The following PRDM6 variants were observed in gnomAD, a reference collection of about 807,000 sequenced individuals.
The protein encoded by PRDM6 is PR/SET domain 6.
A neutral mutation model predicts 60.8 loss-of-function variants in PRDM6; 25 were observed. The observed-to-expected ratio is 0.41, with a 90% confidence interval of 0.30 to 0.57. PRDM6 has a LOEUF of 0.57. Ranked by LOEUF, PRDM6 falls within the 20% of genes least tolerant of loss-of-function variation. The probability of loss-of-function intolerance (pLI) is 0.27; values close to 1 mark genes in which losing one functional copy is unlikely to be tolerated. For missense variants in PRDM6, 839 were observed against 821.3 expected (o/e 1.02, Z -0.26); for synonymous variants, 407 against 357.4 (o/e 1.14, Z -1.57).
At chr5:123,114,334 G>C (rs935275433) in intron 3 of PRDM6, among the ~76,000 whole-genome samples, 2 of 152,170 alleles carry the variant, frequency 1.3e-5, no homozygotes, top group East Asian at 3.8e-4. Flanking sequence ...GATTTTGCCT[G>C]TGCTATTTAT....
Position 123,187,322 on chromosome 5 carries a change from TAATAA to T in PRDM6, c.*127_*131del. 1.5e-6 allele frequency: 1 copy of T among 657,202 alleles called. No homozygotes were observed. The highest frequency in any genetic ancestry group is 2.7e-6 in the Non-Finnish European group (1 of 367,820). The allele number at this position is 657,202 out of a possible 1,614,324, so 40.7% of individuals were successfully genotyped here. ...ATCAGTCCCAGAAAACCAAAAGCAG[TAATAA>T]AATAAGTAAGATGTTAAGAGATATT... is the stretch of plus-strand genomic sequence containing the variant. On this transcript the variant is annotated 3_prime_UTR_variant, in exon 8 of 8. Coordinates refer to ENST00000407847, the MANE Select transcript of PRDM6 (RefSeq NM_001136239.4).
At chr5:123,135,069 C>T (rs903414933) in intron 3 of PRDM6, among the ~76,000 whole-genome samples, 2 of 151,440 alleles carry the variant, frequency 1.3e-5, no homozygotes, top group Non-Finnish European at 2.9e-5. Flanking sequence ...AGCAAATTAT[C>T]TCTGTGGTTT....
chr5:123,184,890 A>C (rs10061653), intron 7 of PRDM6, among the ~76,000 whole-genome samples: 149 of 152,294 alleles, frequency 9.8e-4, no homozygotes, highest in Non-Finnish European at 1.7e-3. Context: ...GAACTCCCTG[A>C]GAAAAGATTC....
At chr5:123,100,918 TA>T (rs923751902) in intron 3 of PRDM6, among the ~76,000 whole-genome samples, 1 of 152,208 alleles carries the variant, frequency 6.6e-6, no homozygotes, top group Admixed American at 6.5e-5. Flanking sequence ...GTCATACCCT[TA>T]AACAATATGT....
intron 5 of PRDM6, 34 bp from the exon 6 acceptor site, chr5:123,170,732 A>G (rs1427518547): frequency 7.1e-7 from 1 of 1,406,662 alleles, no homozygotes; most frequent in Admixed American, 2.3e-5. Flanking sequence ...AAGGCTAATA[A>G]AACTGTTCTT....
At chr5:123,129,196 A>G (rs902965171) in intron 3 of PRDM6, among the ~76,000 whole-genome samples, 10 of 152,248 alleles carry the variant, frequency 6.6e-5, no homozygotes, top group African/African-American at 2.2e-4. Flanking sequence ...GTCAGGTAGC[A>G]TGATGCCTCC....
chr5:123,109,924 G>T (rs1339107060), intron 3 of PRDM6, among the ~76,000 whole-genome samples: 1 of 152,140 alleles, frequency 6.6e-6, no homozygotes, highest in Non-Finnish European at 1.5e-5. Context: ...GTTTGACACT[G>T]GATATTGAAT....
chr5:123,091,163 A>G (rs1225901770), intron 2 of PRDM6, among the ~76,000 whole-genome samples: 1 of 152,194 alleles, frequency 6.6e-6, no homozygotes, highest in Non-Finnish European at 1.5e-5. Flanking sequence ...TCACTGGAGT[A>G]GGAATTTTAG....
In PRDM6 at chr5:123,125,182, C is replaced by G. The variant is rs1764668789; in HGVS notation, c.900+25221C>G. Among the ~76,000 whole-genome samples the G allele has an allele frequency of 1.4e-5, 2 of 146,548 alleles. 1 individual carries two copies. Among genetic ancestry groups the G allele is most frequent in the African/African-American group, 5.1e-5 (2 of 39,260 alleles). ...CCACCCGCCGGCCCCGCCACACACA[C>G]ACATGAGTGGCAAAAAAGCCACAGT... On this transcript the variant is annotated intron_variant, in intron 3 of 7. Transcript: ENST00000407847.
chr5:123,183,215 C>T (rs1206286460), intron 7 of PRDM6, among the ~76,000 whole-genome samples: 2 of 152,160 alleles, frequency 1.3e-5, no homozygotes, highest in Admixed American at 1.3e-4. Context: ...TAACCCTCAA[C>T]TGTATGTCTT....
chr5:123,176,284 C>CAAAAAAAAAAAAAAAAAAAAAAAAA (rs59717543), intron 6 of PRDM6, among the ~76,000 whole-genome samples: 1 of 139,444 alleles, frequency 7.2e-6, no homozygotes. Flanking sequence ...AAAAAAAAAA[C>CAAAAAAAAAAAAAAAAAAAAAAAAA]AAAAAAAAAA....
rs1322659403 is a variant in PRDM6, at chr5:123,108,973, A to G, written c.900+9012A>G. ...CCATGAATAGATTTTCATTTTGTCT[A>G]GTCTTATCCTCTCCACTCTGTATTC... On this transcript the variant is annotated intron_variant, in intron 3 of 7. Coordinates refer to ENST00000407847, the MANE Select transcript of PRDM6 (RefSeq NM_001136239.4). Among the ~76,000 whole-genome samples the G allele has an allele frequency of 5.3e-5, 8 of 152,228 alleles. No individual in the cohort carries two copies. The East Asian group carries it at 1.5e-3, about 29-fold the overall frequency.
In PRDM6 at chr5:123,089,947, C is replaced by G. The variant is rs1036263389; in HGVS notation, c.-15-53C>G. 3.7e-6 allele frequency: 5 copies of G among 1,363,714 alleles called. No homozygotes were observed. In the African/African-American group the frequency reaches 7.4e-5, roughly 20 times the overall value. 84.5% of individuals were successfully genotyped at this position (1,363,714 alleles called of 1,614,324 possible). A position where few individuals can be genotyped will look rare whatever the true frequency, so the allele number is the denominator to read the frequency against. Reference sequence around the variant, plus strand: ...TCCAGGGTCCCAGTGGCCCTCTTCCCGGCCCCTTTCGCCCAGCTCACGCGC... The same window carrying G: ...TCCAGGGTCCCAGTGGCCCTCTTCCGGGCCCCTTTCGCCCAGCTCACGCGC... On this transcript the variant is annotated intron_variant, in intron 1 of 7. Transcript: ENST00000407847.
chr5:123,142,877 CAA>C, intron 3 of PRDM6, among the ~76,000 whole-genome samples: 1,312 of 27,386 alleles, frequency 0.048, 15 homozygotes, highest in African/African-American at 0.13. Flanking sequence ...CAGTGAAGAC[CAA>C]AAAAAAAAAA....
chr5:123,109,387 A>AT (rs977389091), intron 3 of PRDM6, among the ~76,000 whole-genome samples: 9 of 152,004 alleles, frequency 5.9e-5, no homozygotes, highest in Non-Finnish European at 8.8e-5. Context: ...AGTAATTGAG[A>AT]TTTTCCCCCG....
chr5:123,186,139 C>T lies in PRDM6; in HGVS notation c.1674-948C>T, dbSNP rs940925187. 2.6e-5 allele frequency among the ~76,000 whole-genome samples: 4 copies of T among 152,312 alleles called. No homozygotes were observed. The East Asian group carries it at 7.7e-4, about 29-fold the overall frequency. On this transcript the variant is annotated intron_variant, in intron 7 of 7. Transcript: ENST00000407847. ...GTGATGGAGAAGTCGCTGTCTGTGC[C>T]CAGCCAGCTGCCACAGTTCATCTGT...
chr5:123,156,608 G>A (rs529445452), intron 4 of PRDM6, among the ~76,000 whole-genome samples: 2 of 152,264 alleles, frequency 1.3e-5, no homozygotes, highest in African/African-American at 4.8e-5. Context: ...GGCAGTTTCC[G>A]GGCATAGAGA....
intron 5 of PRDM6, among the ~76,000 whole-genome samples, chr5:123,166,354 C>G (rs1765752953): frequency 6.6e-6 from 1 of 152,230 alleles, no homozygotes. Flanking sequence ...CCCAGATTCT[C>G]TGATTTATCA....
rs761657994 is a variant in PRDM6 at position 123,171,051 on chromosome 5, A to G, written c.1439A>G (p.Lys480Arg). Reference sequence around the variant, plus strand: ...CTTTGGAAATGTGGGCAGTGCTTTAAGACTTTCACCCAGCGGATCCTCTTA... The same window carrying G: ...CTTTGGAAATGTGGGCAGTGCTTTAGGACTTTCACCCAGCGGATCCTCTTA... Reference protein sequence around the residue: ...WHLWKCGQCFKTFTQRILLQM... With the variant: ...WHLWKCGQCFRTFTQRILLQM... The change falls in exon 6 of 8, where the codon AAG (lysine) becomes AGG (arginine). Residue 480 changes from lysine (K) to arginine (R), a missense_variant. Physicochemically the swap from Lys to Arg is conservative, Grantham distance 26. Coordinates refer to ENST00000407847, the MANE Select transcript of PRDM6 (RefSeq NM_001136239.4). 2 of 1,552,140 alleles carry G rather than the reference A, an allele frequency of 1.3e-6. No homozygotes were observed. The highest frequency in any genetic ancestry group is 1.7e-6 in the Non-Finnish European group (2 of 1,147,048).
Sources: gnomAD v4.1 joint callset for allele counts (sites outside exome capture counted in the v4.1 genomes callset) on GRCh38, gnomAD v4.1.1 for gene constraint, MANE v1.5 for transcripts, NCBI Gene and HGNC (gene_info 2026-07-23, HGNC 2026-07-21) for gene names.